Variants in ARHGEF18 observed in about 807,000 individuals in gnomAD.
The protein encoded by ARHGEF18 is rho guanine nucleotide exchange factor 18.
In ARHGEF18, 93 loss-of-function variants were observed where a neutral mutation model predicts 155.7. The observed-to-expected ratio is 0.60, with a 90% CI of 0.50 to 0.71. ARHGEF18 has a LOEUF of 0.71. Among genes scored for constraint, ARHGEF18 ranks in the 30% least tolerant of loss-of-function variants. The pLI is 0.00. For missense variants in ARHGEF18, 1,593 were observed against 1,816.1 expected (o/e 0.88, Z 2.23); for synonymous variants, 742 against 753.1 (o/e 0.99, Z 0.24).
At chr19:7,382,944 C>G in intron 9 of ARHGEF18, 50 bp downstream of exon 9, 3 of 1,232,404 alleles carry the variant, frequency 2.4e-6, no homozygotes, top group Non-Finnish European at 3.0e-6. Flanking sequence ...CCCAGCTTGG[C>G]TTGCTGCCCT....
intron 10 of ARHGEF18, among the ~76,000 whole-genome samples, chr19:7,424,629 G>A (rs776425928): frequency 2.0e-5 from 3 of 152,220 alleles, no homozygotes; most frequent in African/African-American, 7.2e-5. Flanking sequence ...ACATTTGTAA[G>A]TGATGGTAAG....
rs892526728 is a variant in ARHGEF18, at chr19:7,362,764, C to G, written c.-110-17C>G. On this transcript the variant is annotated splice_polypyrimidine_tract_variant and intron_variant, in intron 1 of 28. Coordinates refer to ENST00000668164, the MANE Select transcript of ARHGEF18 (RefSeq NM_001367823.1). ...TCCCAGCTTATCCCTGACACCTTGT[C>G]CCTCCTTTCTCCACAGGCTCTGAGC... 7 of 1,233,374 alleles carry G rather than the reference C, an allele frequency of 5.7e-6. No individual in the cohort carries two copies. The African/African-American group carries it at 1.1e-4, about 19-fold the overall frequency. The allele number at this position is 1,233,374 out of a possible 1,614,324, so 76.4% of individuals were successfully genotyped here.
At chr19:7,371,186 C>T (rs1463235997) in intron 2 of ARHGEF18, among the ~76,000 whole-genome samples, 2 of 152,076 alleles carry the variant, frequency 1.3e-5, no homozygotes, top group Non-Finnish European at 2.9e-5. Context: ...AGGCATGAGC[C>T]ACCACGCCAG....
intron 14 of ARHGEF18, among the ~76,000 whole-genome samples, chr19:7,446,647 A>G (rs2145805401): frequency 6.6e-6 from 1 of 152,126 alleles, no homozygotes; most frequent in East Asian, 1.9e-4. Flanking sequence ...AGGCTGAGGC[A>G]GGAGAATCGC....
intron 3 of ARHGEF18, among the ~76,000 whole-genome samples, chr19:7,373,951 G>A (rs965192153): frequency 4.6e-5 from 7 of 150,854 alleles, no homozygotes; most frequent in Non-Finnish European, 8.8e-5. Flanking sequence ...AGTAGAGATG[G>A]AGTTTTACCA....
chr19:7,386,798 C>T (rs577297682), intron 10 of ARHGEF18, among the ~76,000 whole-genome samples: 2 of 152,172 alleles, frequency 1.3e-5, no homozygotes, highest in African/African-American at 4.8e-5. Context: ...CTGCAAATCC[C>T]ACCTCCACCT....
the ARHGEF18 span, among the ~76,000 whole-genome samples, chr19:7,479,486 G>A: frequency 5.3e-5 from 8 of 152,132 alleles, no homozygotes; most frequent in Admixed American, 5.2e-4. Context: ...TGTGTCTCAA[G>A]AAAAGAATCA....
At chr19:7,434,498 C>T (rs975938920) in intron 10 of ARHGEF18, among the ~76,000 whole-genome samples, 3 of 152,146 alleles carry the variant, frequency 2.0e-5, no homozygotes, top group African/African-American at 4.8e-5. Flanking sequence ...GTGGCCACAG[C>T]GGGCCAGGTG....
chr19:7,410,197 T>G lies in ARHGEF18; in HGVS notation c.967+26994T>G, dbSNP rs79379426. On this transcript the variant is annotated intron_variant, in intron 10 of 28. Coordinates refer to ENST00000668164, the MANE Select transcript of ARHGEF18 (RefSeq NM_001367823.1). ...CCCGCCCATTGAAGGCAAACAGGGT[T>G]TTTTCTGGCATTCTGCACACCTGTT... Among the ~76,000 whole-genome samples the G allele has an allele frequency of 8.3e-3, 1,259 of 151,996 alleles. 90 individuals carry two copies. The East Asian group carries it at 0.18, about 22-fold the overall frequency.
At chr19:7,434,722 G>A (rs1974159343) in intron 10 of ARHGEF18, among the ~76,000 whole-genome samples, 1 of 152,232 alleles carries the variant, frequency 6.6e-6, no homozygotes, top group South Asian at 2.1e-4. Flanking sequence ...CATATGTTGA[G>A]CTGCAAATCA....
At chr19:7,382,728 C>A in intron 8 of ARHGEF18, 64 bp from the exon 9 acceptor site, 4 of 1,169,864 alleles carry the variant, frequency 3.4e-6, no homozygotes, top group South Asian at 4.4e-5. Flanking sequence ...CCTGAAGCAA[C>A]CCACAGGGCT....
intron 1 of ARHGEF18, among the ~76,000 whole-genome samples, chr19:7,361,478 G>A (rs1388156027): frequency 2.0e-5 from 3 of 152,206 alleles, no homozygotes; most frequent in South Asian, 2.1e-4. Context: ...AAAAAGCTAA[G>A]CATAGATTAG....
rs746180410 is a variant in ARHGEF18 at position 7,403,553 on chromosome 19, C to CT, written c.967+20364dup. Among the ~76,000 whole-genome samples, 514 of 122,920 alleles carry CT rather than the reference C, an allele frequency of 4.2e-3. 2 individuals carry two copies. Among genetic ancestry groups the CT allele is most frequent in the Middle Eastern group, 7.8e-3 (2 of 258 alleles). The allele number at this position is 122,920 out of a possible 152,430, so 80.6% of individuals were successfully genotyped here. A position where few individuals can be genotyped will look rare whatever the true frequency, so the allele number is the denominator to read the frequency against. On this transcript the variant is annotated intron_variant, in intron 10 of 28. Coordinates refer to ENST00000668164, the MANE Select transcript of ARHGEF18 (RefSeq NM_001367823.1). Reference sequence around the variant, plus strand: ...TTTTTCTTTCTTTCTTTCTTTCTTTCTTTTTTTTTTTTTTGAGACGGTCTT... The same window carrying CT: ...TTTTTCTTTCTTTCTTTCTTTCTTTCTTTTTTTTTTTTTTTGAGACGGTCTT...
chr19:7,380,970 T>C lies in ARHGEF18; in HGVS notation c.698T>C (p.Leu233Pro). The C allele has an allele frequency of 1.6e-6, 2 of 1,232,214 alleles. No homozygotes were observed. The highest frequency in any genetic ancestry group is 2.0e-6 in the Non-Finnish European group (2 of 988,002). 76.3% of individuals were successfully genotyped at this position (1,232,214 alleles called of 1,614,324 possible). A position where few individuals can be genotyped will look rare whatever the true frequency, so the allele number is the denominator to read the frequency against. Residue 233 changes from leucine to proline, a missense_variant, in exon 8 of 29, where the codon CTG becomes CCG. Leu to Pro is a moderately conservative substitution (Grantham distance 98). Coordinates refer to ENST00000668164, the MANE Select transcript of ARHGEF18 (RefSeq NM_001367823.1). Reference protein sequence around the residue: ...SASPGGAHSNLTWFEFLSESE... With the variant: ...SASPGGAHSNPTWFEFLSESE... ...AGCCCCGGAGGAGCCCACTCGAACC[T>C]GACCTGGTTTGAATTCCTGTCGGAG...
intron 2 of ARHGEF18, among the ~76,000 whole-genome samples, chr19:7,372,271 A>T (rs774010940): frequency 9.2e-5 from 14 of 152,140 alleles, no homozygotes; most frequent in Non-Finnish European, 1.9e-4. Flanking sequence ...GGGCATGCCC[A>T]AGCTGGGTTT....
intron 10 of ARHGEF18, among the ~76,000 whole-genome samples, chr19:7,385,863 CTCTCT>C (rs1568285744): frequency 1.6e-4 from 17 of 106,286 alleles, no homozygotes; most frequent in African/African-American, 6.5e-4. Flanking sequence ...CTCTCTCTCT[CTCTCT>C]CTCCCCCCTC....
chr19:7,442,612 GT>G (rs1568339197), intron 13 of ARHGEF18, among the ~76,000 whole-genome samples: 1 of 152,222 alleles, frequency 6.6e-6, no homozygotes, highest in African/African-American at 2.4e-5. Flanking sequence ...AGAGGATTTT[GT>G]TATAATACGT....
intron 11 of ARHGEF18, among the ~76,000 whole-genome samples, chr19:7,441,139 A>G (rs962536175): frequency 6.7e-6 from 1 of 149,096 alleles, no homozygotes; most frequent in Non-Finnish European, 1.5e-5. Context: ...AGAAATCCTG[A>G]TGTGACATTG....
At position 7,361,045 on chromosome 19, in the gene ARHGEF18, T is replaced by C. The variant is rs79632435; in HGVS notation, c.-110-1736T>C. Among the ~76,000 whole-genome samples, 200 of 152,336 alleles carry C rather than the reference T, an allele frequency of 1.3e-3. 1 individual carries two copies. In the East Asian group the frequency reaches 0.021, roughly 16 times the overall value. On this transcript the variant is annotated intron_variant, in intron 1 of 28. Transcript: ENST00000668164. The stretch of plus-strand genomic sequence containing the variant: ...TGAAGCTTCAGGCCCCATGTGTACC[T>C]GCCCCATCCAAAGCTCTGCAAGAGG...
Sources: allele counts gnomAD v4.1 joint callset (sites outside exome capture counted in the v4.1 genomes callset), GRCh38; gene constraint gnomAD v4.1.1; transcripts MANE v1.5; gene names NCBI Gene and HGNC (gene_info 2026-07-23, HGNC 2026-07-21).